CCDC138: variants seen among roughly 807,000 people sequenced by gnomAD.
CCDC138 encodes the protein coiled-coil domain-containing protein 138.
In CCDC138, 66 loss-of-function variants were observed where a neutral mutation model predicts 82.3. That is an observed-to-expected ratio of 0.80 (90% CI 0.66 to 0.98). CCDC138 has a LOEUF of 0.98. Among genes scored for constraint, CCDC138 ranks in the 50% least tolerant of loss-of-function variants. CCDC138 has a pLI of 0.00. For synonymous variants in CCDC138, 297 were observed against 265.4 expected, an observed-to-expected ratio of 1.12 and a Z score of -1.16; for missense variants, 816 against 758.9, an observed-to-expected ratio of 1.08 and a Z score of -0.88.
intron 13 of CCDC138, among the ~76,000 whole-genome samples, chr2:108,866,775 C>T (rs1032579787): frequency 2.0e-5 from 3 of 151,582 alleles, no homozygotes; most frequent in South Asian, 2.1e-4. Context: ...CCCAGTTACT[C>T]GGGAGACTGA....
chr2:108,879,687 C>G (rs80081674), downstream of CCDC138, among the ~76,000 whole-genome samples: 3 of 151,952 alleles, frequency 2.0e-5, no homozygotes, highest in Non-Finnish European at 4.4e-5. Flanking sequence ...TTAATTGTTA[C>G]CATTTTATAG....
At chr2:108,821,061 A>G (rs1446527704) in intron 10 of CCDC138, among the ~76,000 whole-genome samples, 1 of 152,200 alleles carries the variant, frequency 6.6e-6, no homozygotes, top group African/African-American at 2.4e-5. Flanking sequence ...TACAACATAT[A>G]AAGATATAAT....
chr2:108,865,571 A>G (rs1694291420), intron 13 of CCDC138, among the ~76,000 whole-genome samples: 2 of 152,348 alleles, frequency 1.3e-5, no homozygotes, highest in South Asian at 4.1e-4. Context: ...CAGCCCTGAC[A>G]GAAATTCTGG....
intron 10 of CCDC138, among the ~76,000 whole-genome samples, chr2:108,832,075 G>T (rs1196097930): frequency 1.3e-5 from 2 of 151,462 alleles, no homozygotes; most frequent in Non-Finnish European, 2.9e-5. Context: ...TGTCGCCCAG[G>T]CTGGAGTGCA....
At chr2:108,812,488 G>A (rs1283591351) in intron 7 of CCDC138, 143 bp from the exon 8 acceptor site, 2 of 625,908 alleles carry the variant, frequency 3.2e-6, no homozygotes, top group Admixed American at 6.2e-5. Context: ...CTTCAGTTGT[G>A]ATCTAAGTTA....
At chr2:108,845,715 G>A (rs947563657) in intron 11 of CCDC138, among the ~76,000 whole-genome samples, 3 of 151,926 alleles carry the variant, frequency 2.0e-5, no homozygotes. Context: ...GGGACTATGG[G>A]CACCCGCCAC....
At chr2:108,835,264 T>G (rs181894472) in intron 10 of CCDC138, among the ~76,000 whole-genome samples, 52 of 152,296 alleles carry the variant, frequency 3.4e-4, no homozygotes, top group Admixed American at 5.9e-4. Context: ...GTAAGAAAAA[T>G]GAACAATGTG....
At chr2:108,815,468 T>TG (rs1310870753) in intron 9 of CCDC138, among the ~76,000 whole-genome samples, 12 of 136,284 alleles carry the variant, frequency 8.8e-5, no homozygotes, top group South Asian at 2.4e-4. Context: ...GGTGTTTTTT[T>TG]TTTTTTTTTT....
At chr2:108,824,658 G>A (rs1686259473) in intron 10 of CCDC138, among the ~76,000 whole-genome samples, 2 of 152,128 alleles carry the variant, frequency 1.3e-5, no homozygotes, top group Non-Finnish European at 2.9e-5. Context: ...GTATAGTGTA[G>A]CAAATATGTA....
chr2:108,858,118 C>T (rs940274717), intron 13 of CCDC138, among the ~76,000 whole-genome samples: 12 of 152,148 alleles, frequency 7.9e-5, no homozygotes, highest in Non-Finnish European at 1.3e-4. Context: ...CCGAGGCGGG[C>T]AGATCACTGG....
At chr2:108,853,878 AATATATTATATAGTAT>A (rs1250505202) in intron 12 of CCDC138, among the ~76,000 whole-genome samples, 2 of 124,856 alleles carry the variant, frequency 1.6e-5, no homozygotes, top group African/African-American at 6.2e-5. Flanking sequence ...TATACTATAT[AATATATTATATAGTAT>A]ATATATTATA....
chr2:108,847,331 G>C (rs1195710832), intron 12 of CCDC138, among the ~76,000 whole-genome samples: 1 of 152,166 alleles, frequency 6.6e-6, no homozygotes, highest in African/African-American at 2.4e-5. Context: ...CTCATTTGTT[G>C]TATATTGTCT....
intron 6 of CCDC138, among the ~76,000 whole-genome samples, chr2:108,803,185 T>G (rs1379661293): frequency 6.6e-6 from 1 of 152,214 alleles, no homozygotes; most frequent in East Asian, 1.9e-4. Context: ...TAAACTGAGC[T>G]CCATTCTCCA....
chr2:108,870,460 A>G (rs1695057403), intron 13 of CCDC138, among the ~76,000 whole-genome samples: 1 of 152,218 alleles, frequency 6.6e-6, no homozygotes, highest in Non-Finnish European at 1.5e-5. Flanking sequence ...TAATAGCTGA[A>G]AACTTATCAA....
intron 3 of CCDC138, among the ~76,000 whole-genome samples, chr2:108,790,563 A>G (rs1482000420): frequency 1.3e-5 from 2 of 151,916 alleles, no homozygotes; most frequent in Non-Finnish European, 1.5e-5. Context: ...TTAGCCGGGC[A>G]TGGTGGCGGG....
At chr2:108,864,860 C>T (rs531671812) in intron 13 of CCDC138, among the ~76,000 whole-genome samples, 1 of 151,442 alleles carries the variant, frequency 6.6e-6, no homozygotes, top group East Asian at 1.9e-4. Context: ...ACTTGGGAGG[C>T]TTTGGTGGGA....
rs1395510972 is a variant in CCDC138 at position 108,786,903 on chromosome 2, C to G, written c.81C>G (p.Ser27Arg). 3.2e-6 allele frequency: 5 copies of G among 1,546,242 alleles called. No individual in the cohort carries two copies. The highest frequency in any genetic ancestry group is 2.0e-5 in the Admixed American group (1 of 49,542). ...SLKSRYGLGG[S>R]CPDEYDFSNF... is the part of the protein sequence containing the mutation. ...AAAGCCGCTACGGACTCGGGGGCAG[C>G]TGCCCCGACGAGGTGAAGCCGCCGC... Residue 27 changes from serine to arginine, a missense_variant, in exon 1 of 15, where the codon AGC (serine) becomes AGG (arginine). Coordinates refer to ENST00000295124, the MANE Select transcript of CCDC138 (RefSeq NM_144978.3).
At chr2:108,849,986 G>T (rs1691183070) in intron 12 of CCDC138, among the ~76,000 whole-genome samples, 1 of 152,220 alleles carries the variant, frequency 6.6e-6, no homozygotes, top group African/African-American at 2.4e-5. Flanking sequence ...GGATGCATGG[G>T]CCAGTGAATA....
downstream of CCDC138, among the ~76,000 whole-genome samples, chr2:108,879,827 G>A (rs1313510147): frequency 6.6e-6 from 1 of 152,096 alleles, no homozygotes; most frequent in Non-Finnish European, 1.5e-5. Flanking sequence ...TATTAGAGTT[G>A]TGACTAGAGT....
Sources: allele counts gnomAD v4.1 joint callset (sites outside exome capture counted in the v4.1 genomes callset), GRCh38; gene constraint gnomAD v4.1.1; transcripts MANE v1.5; gene names NCBI Gene and HGNC (gene_info 2026-07-23, HGNC 2026-07-21).